Variants in GRIK2 observed in about 807,000 individuals in gnomAD.
The protein encoded by GRIK2 is glutamate ionotropic receptor kainate type subunit 2.
In GRIK2, 32 loss-of-function variants were observed where a neutral mutation model predicts 100.3. The observed-to-expected ratio is 0.32, with a 90% CI of 0.24 to 0.43. The LOEUF is 0.43. GRIK2 is among the 20% of genes least tolerant of loss of function. The pLI is 1.00. For missense variants in GRIK2, 843 were observed against 1,114.9 expected (o/e 0.76, Z 3.47); for synonymous variants, 417 against 389.4 (o/e 1.07, Z -0.83).
chr6:101,616,828 C>A (rs1254245988), intron 2 of GRIK2, among the ~76,000 whole-genome samples: 1 of 151,720 alleles, frequency 6.6e-6, no homozygotes, highest in Non-Finnish European at 1.5e-5. Flanking sequence ...TTTTAATTAA[C>A]CTTTCCCTTT....
intron 7 of GRIK2, among the ~76,000 whole-genome samples, chr6:101,775,094 C>T (rs1248766955): frequency 3.3e-5 from 5 of 151,770 alleles, no homozygotes; most frequent in South Asian, 2.1e-4. Context: ...AATGAAAGCC[C>T]GTATTTGTGT....
At chr6:101,698,674 G>C (rs897163927) in intron 7 of GRIK2, among the ~76,000 whole-genome samples, 1 of 151,956 alleles carries the variant, frequency 6.6e-6, no homozygotes, top group Non-Finnish European at 1.5e-5. Context: ...GCAATGTATG[G>C]TATTATATCA....
intron 15 of GRIK2, among the ~76,000 whole-genome samples, chr6:102,042,728 C>A (rs1243178404): frequency 6.6e-6 from 1 of 151,590 alleles, no homozygotes; most frequent in Non-Finnish European, 1.5e-5. Flanking sequence ...GCTGACATAA[C>A]CATTCCTAAC....
At chr6:101,673,158 G>T (rs7451268) in intron 4 of GRIK2, among the ~76,000 whole-genome samples, 1 of 151,852 alleles carries the variant, frequency 6.6e-6, no homozygotes. Context: ...ACTCAAGTCC[G>T]CAAGCAAAAA....
intron 2 of GRIK2, among the ~76,000 whole-genome samples, chr6:101,532,719 A>G (rs1408253126): frequency 6.6e-6 from 1 of 151,764 alleles, no homozygotes; most frequent in Non-Finnish European, 1.5e-5. Context: ...GTATATATAT[A>G]TAATGGAATC....
chr6:101,769,631 C>CT (rs1778272170), intron 7 of GRIK2, among the ~76,000 whole-genome samples: 1 of 152,120 alleles, frequency 6.6e-6, no homozygotes, highest in South Asian at 2.1e-4. Context: ...TTATGAGTAT[C>CT]TTTTTGAGTT....
At chr6:101,763,598 C>T (rs796412606) in intron 7 of GRIK2, among the ~76,000 whole-genome samples, 13 of 152,192 alleles carry the variant, frequency 8.5e-5, no homozygotes, top group African/African-American at 3.1e-4. Context: ...AAATAAGTAA[C>T]CAGGGGAAAT....
chr6:101,766,826 G>A (rs1252125253), intron 7 of GRIK2, among the ~76,000 whole-genome samples: 2 of 152,166 alleles, frequency 1.3e-5, no homozygotes, highest in Non-Finnish European at 2.9e-5. Context: ...TTGTGGAAAA[G>A]CTTTATGATA....
At chr6:101,817,620 G>C (rs568573191) in intron 9 of GRIK2, among the ~76,000 whole-genome samples, 2 of 152,172 alleles carry the variant, frequency 1.3e-5, no homozygotes, top group African/African-American at 4.8e-5. Context: ...CTGTGCTTAC[G>C]TGTTTCTTCT....
At chr6:101,957,891 C>T (rs932974972) in intron 14 of GRIK2, among the ~76,000 whole-genome samples, 3 of 151,954 alleles carry the variant, frequency 2.0e-5, no homozygotes, top group Non-Finnish European at 2.9e-5. Flanking sequence ...ATCTATGTGT[C>T]TCTATTTATA....
At chr6:101,777,043 G>T (rs534533506) in intron 7 of GRIK2, among the ~76,000 whole-genome samples, 9 of 152,180 alleles carry the variant, frequency 5.9e-5, no homozygotes, top group Non-Finnish European at 1.0e-4. Flanking sequence ...GGAATTGTGC[G>T]AACTGCTTTA....
intron 2 of GRIK2, among the ~76,000 whole-genome samples, chr6:101,538,199 G>T (rs1775807896): frequency 6.6e-6 from 1 of 151,600 alleles, no homozygotes; most frequent in Non-Finnish European, 1.5e-5. Context: ...ATGCTCAATT[G>T]CATCATCCAG....
At chr6:101,496,825 A>C (rs1187355916) in intron 2 of GRIK2, among the ~76,000 whole-genome samples, 2 of 152,116 alleles carry the variant, frequency 1.3e-5, no homozygotes, top group African/African-American at 4.8e-5. Flanking sequence ...AACTCACTCA[A>C]TTTTGCTGAA....
chr6:102,065,934 T>C, intron 16 of GRIK2: 1 of 1,343,148 alleles, frequency 7.4e-7, no homozygotes, highest in Non-Finnish European at 9.7e-7. Flanking sequence ...TAATAGTAGG[T>C]ATTAAGCAAC....
At chr6:101,671,954 G>A (rs9485530) in intron 4 of GRIK2, among the ~76,000 whole-genome samples, 93,625 of 151,944 alleles carry the variant, frequency 0.62, 30,907 homozygotes, top group Non-Finnish European at 0.75. Context: ...GAGCCACTTC[G>A]AGAGCTGCTG....
intron 10 of GRIK2, among the ~76,000 whole-genome samples, chr6:101,834,524 T>G (rs924013475): frequency 6.6e-6 from 1 of 152,150 alleles, no homozygotes; most frequent in Non-Finnish European, 1.5e-5. Flanking sequence ...ATTTATAAAT[T>G]AAAAGTTGTA....
intron 14 of GRIK2, among the ~76,000 whole-genome samples, chr6:102,018,280 G>A (rs1769229860): frequency 1.3e-5 from 2 of 152,020 alleles, no homozygotes; most frequent in South Asian, 4.1e-4. Context: ...CAGAATGACT[G>A]GAAGGAACTG....
At chr6:101,946,360 TC>T (rs1791276422) in intron 14 of GRIK2, among the ~76,000 whole-genome samples, 1 of 151,906 alleles carries the variant, frequency 6.6e-6, no homozygotes, top group African/African-American at 2.4e-5. Flanking sequence ...ACAACCCCCA[TC>T]TTTACAAAAA....
At chr6:101,670,346 C>CT (rs1770340586) in intron 4 of GRIK2, among the ~76,000 whole-genome samples, 2 of 151,996 alleles carry the variant, frequency 1.3e-5, no homozygotes, top group South Asian at 4.1e-4. Context: ...AGGTTTTTAT[C>CT]TTTTTTTCAC....
Sources: allele counts gnomAD v4.1 joint callset (sites outside exome capture counted in the v4.1 genomes callset), GRCh38; gene constraint gnomAD v4.1.1; transcripts MANE v1.5; gene names NCBI Gene and HGNC (gene_info 2026-07-23, HGNC 2026-07-21).